The following FRAS1 variants were observed in gnomAD, a reference collection of about 807,000 sequenced individuals.
FRAS1 encodes the protein extracellular matrix organizing protein FRAS1.
A neutral mutation model predicts 435.2 loss-of-function variants in FRAS1; 290 were observed. The observed-to-expected ratio is 0.67, with a 90% CI of 0.61 to 0.73. The LOEUF (loss-of-function observed/expected upper bound fraction) is 0.73, where lower values mean the gene tolerates loss of function less well. Among genes scored for constraint, FRAS1 ranks in the 30% least tolerant of loss-of-function variants. The pLI, the probability that FRAS1 is intolerant of heterozygous loss-of-function variation, is 0.00. For synonymous variants in FRAS1, 1,800 were observed against 1,851.0 expected (o/e 0.97, Z 0.71); for missense variants, 4,860 against 5,001.5 (o/e 0.97, Z 0.85).
chr4:78,245,447 GC>G (rs1412997509), intron 4 of FRAS1, 122 bp downstream of exon 4: 3 of 694,016 alleles, frequency 4.3e-6, no homozygotes, highest in Non-Finnish European at 7.5e-6. Flanking sequence ...AGGATCTGAA[GC>G]CCATTTGACT....
chr4:78,085,790 A>C (rs536642165), intron 2 of FRAS1, among the ~76,000 whole-genome samples: 7 of 152,228 alleles, frequency 4.6e-5, no homozygotes, highest in African/African-American at 1.2e-4. Context: ...CCTTAGTGAC[A>C]TACAAAGAGA....
intron 6 of FRAS1, among the ~76,000 whole-genome samples, chr4:78,260,418 T>C (rs1486988670): frequency 1.3e-5 from 2 of 152,204 alleles, no homozygotes; most frequent in Admixed American, 1.3e-4. Context: ...AGGTCCTTCA[T>C]ATCCCTTGTA....
intron 3 of FRAS1, among the ~76,000 whole-genome samples, chr4:78,239,902 C>G (rs992798741): frequency 6.6e-6 from 1 of 152,158 alleles, no homozygotes; most frequent in Non-Finnish European, 1.5e-5. Context: ...TGCCCCCTAC[C>G]ACACATTTTG....
chr4:78,065,218 A>G (rs1290337329), intron 1 of FRAS1, among the ~76,000 whole-genome samples: 2 of 147,668 alleles, frequency 1.4e-5, no homozygotes, highest in Non-Finnish European at 3.0e-5. Context: ...TGTACTATAT[A>G]TGGTATATAG....
chr4:78,477,894 G>A lies in FRAS1; in HGVS notation c.7931G>A (p.Ser2644Asn). 6.2e-7 allele frequency: 1 copy of A among 1,613,598 alleles called. No individual in the cohort carries two copies. Among genetic ancestry groups the A allele is most frequent in the Non-Finnish European group, 8.5e-7 (1 of 1,179,764 alleles). ...GATGACGTGTTTGAAAATGTTGAGAGTTTCACTGTGGAGCTCAGCATGCCA... is the reference window on the plus strand; with the variant it reads ...GATGACGTGTTTGAAAATGTTGAGAATTTCACTGTGGAGCTCAGCATGCCA... ...NDDDVFENVE[S>N]FTVELSMPAY... is the part of the protein sequence containing the mutation. The change falls in exon 55 of 74, where the codon AGT becomes AAT. Residue 2644 changes from serine to asparagine, a missense_variant. Ser to Asn is a conservative substitution (Grantham distance 46). Coordinates refer to ENST00000512123, the MANE Select transcript of FRAS1 (RefSeq NM_025074.7).
chr4:78,337,534 G>A (rs1730216438), intron 19 of FRAS1, 140 bp from the exon 20 acceptor site: 1 of 965,964 alleles, frequency 1.0e-6, no homozygotes, highest in Non-Finnish European at 1.6e-6. Context: ...CCAAGGGTGT[G>A]CCCGGCTTGC....
Position 78,243,102 on chromosome 4 carries a change from A to G in FRAS1, c.217-2131A>G, listed in dbSNP as rs529136565. On this transcript the variant is annotated intron_variant, in intron 3 of 73. Transcript: ENST00000512123. ...ACAATGCCATTCAAAGGAGCACGGC[A>G]TTACGTGGTAAGGTTTTGGCTGCAA... is the stretch of plus-strand genomic sequence containing the variant. Among the ~76,000 whole-genome samples, 17 of 152,322 alleles carry G rather than the reference A, an allele frequency of 1.1e-4. No individual in the cohort carries two copies. The East Asian group carries it at 2.9e-3, about 26-fold the overall frequency.
intron 20 of FRAS1, among the ~76,000 whole-genome samples, chr4:78,355,670 T>C (rs1392153439): frequency 1.3e-5 from 2 of 152,134 alleles, no homozygotes; most frequent in African/African-American, 4.8e-5. Context: ...GGGTTGGAAA[T>C]TCAATTCCCT....
chr4:78,211,198 A>C (rs1723487794), intron 2 of FRAS1, among the ~76,000 whole-genome samples: 1 of 152,196 alleles, frequency 6.6e-6, no homozygotes, highest in African/African-American at 2.4e-5. Context: ...GACATGAAGG[A>C]AACTTCTGGG....
At chr4:78,249,623 C>T (rs142407963) in intron 4 of FRAS1, among the ~76,000 whole-genome samples, 2 of 152,182 alleles carry the variant, frequency 1.3e-5, no homozygotes, top group East Asian at 3.9e-4. Flanking sequence ...GTTGTCCAGC[C>T]TGAATGTTTT....
chr4:78,266,782 T>A, intron 7 of FRAS1, 52 bp from the exon 8 acceptor site: 1 of 1,360,182 alleles, frequency 7.4e-7, no homozygotes, highest in Non-Finnish European at 1.0e-6. Context: ...TGCTTCTATT[T>A]GATGTATGGG....
chr4:78,515,300 G>C (rs994740943), intron 65 of FRAS1, among the ~76,000 whole-genome samples: 5 of 147,326 alleles, frequency 3.4e-5, no homozygotes, highest in African/African-American at 1.2e-4. Context: ...TGAGCAAGAA[G>C]TAGTCAAATG....
At chr4:78,221,216 G>T (rs1282963378) in intron 2 of FRAS1, among the ~76,000 whole-genome samples, 1 of 151,964 alleles carries the variant, frequency 6.6e-6, no homozygotes, top group Admixed American at 6.6e-5. Flanking sequence ...CTCAAGAAAT[G>T]GTAATATAGA....
At chr4:78,221,140 C>T (rs1724035728) in intron 2 of FRAS1, among the ~76,000 whole-genome samples, 1 of 152,158 alleles carries the variant, frequency 6.6e-6, no homozygotes, top group Non-Finnish European at 1.5e-5. Flanking sequence ...TGCACTCCAG[C>T]CTGGGCGACA....
intron 53 of FRAS1, 88 bp downstream of exon 53, chr4:78,473,685 G>T: frequency 1.1e-6 from 1 of 932,308 alleles, no homozygotes. Context: ...GGCAGCTCTA[G>T]TCACCTCTTG....
At chr4:78,266,985 T>G in intron 8 of FRAS1, 50 bp downstream of exon 8, 1 of 1,286,628 alleles carries the variant, frequency 7.8e-7, no homozygotes, top group Non-Finnish European at 1.1e-6. Flanking sequence ...CTGGGTCATT[T>G]AAGGAATGCA....
At chr4:78,445,474 C>T in intron 41 of FRAS1, 48 bp from the exon 42 acceptor site, 1 of 1,467,648 alleles carries the variant, frequency 6.8e-7, no homozygotes, top group Admixed American at 2.3e-5. Flanking sequence ...GCCTAGTAAG[C>T]AGGAATTGAT....
chr4:78,119,659 G>C (rs974472593), intron 2 of FRAS1, among the ~76,000 whole-genome samples: 2 of 152,158 alleles, frequency 1.3e-5, no homozygotes, highest in Non-Finnish European at 2.9e-5. Context: ...AGGGGTAATA[G>C]TTCCTAATCC....
rs35796361 is a variant in FRAS1 at position 78,251,918 on chromosome 4, T to TGAGAGA, written c.310-459_310-454dup. On this transcript the variant is annotated intron_variant, in intron 4 of 73. Transcript: ENST00000512123. The stretch of plus-strand genomic sequence containing the variant: ...AGGGCCATGAGATCACTGGAACAGT[T>TGAGAGA]GAGAGAGAGAGAGAGAGAGACAGAA... 9.9e-3 allele frequency among the ~76,000 whole-genome samples: 1,473 copies of TGAGAGA among 148,684 alleles called. 14 individuals are homozygous for TGAGAGA. The highest frequency in any genetic ancestry group is 0.035 in the African/African-American group (1,398 of 40,384).
Sources: allele counts gnomAD v4.1 joint callset (sites outside exome capture counted in the v4.1 genomes callset), GRCh38; gene constraint gnomAD v4.1.1; transcripts MANE v1.5; gene names NCBI Gene and HGNC (gene_info 2026-07-23, HGNC 2026-07-21).